ERBB2: variants seen among roughly 807,000 people sequenced by gnomAD.
The protein encoded by ERBB2 is erb-b2 receptor tyrosine kinase 2, also known as receptor tyrosine-protein kinase erbB-2.
A neutral mutation model predicts 149.0 loss-of-function variants in ERBB2; 61 were observed. The ratio of observed to expected loss-of-function variants is 0.41; its 90% CI spans 0.33 to 0.51. The LOEUF (loss-of-function observed/expected upper bound fraction) is 0.51. Among genes scored for constraint, ERBB2 ranks in the 20% least tolerant of loss-of-function variants. The probability of loss-of-function intolerance (pLI) is 0.25; values close to 1 mark genes in which losing one functional copy is unlikely to be tolerated. For synonymous variants in ERBB2, 633 were observed against 678.8 expected (o/e 0.93, Z 1.05); for missense variants, 1,205 against 1,655.1 (o/e 0.73, Z 4.72).
Position 39,726,272 on chromosome 17 carries a change from G to A in ERBB2, c.2873-290G>A. On this transcript the variant is annotated intron_variant, in intron 23 of 26. Coordinates refer to ENST00000269571, the MANE Select transcript of ERBB2 (RefSeq NM_004448.4). This position sits in a 1 kb window ranked among gnomAD's most constrained non-coding sequence, Gnocchi z 5.1. ...GATCACTTGAGCCTAGTTTAAGGTT[G>A]CAGTAAGCTATGATTGCACCACTGA... 4.3e-6 allele frequency: 2 copies of A among 470,100 alleles called. No individual in the cohort carries two copies. The highest frequency in any genetic ancestry group is 2.6e-5 in the South Asian group (1 of 38,492). The allele number at this position is 470,100 out of a possible 1,614,324, so 29.1% of individuals were successfully genotyped here.
upstream of ERBB2, among the ~76,000 whole-genome samples, chr17:39,691,540 C>T (rs1368760051): frequency 1.3e-5 from 1 of 79,110 alleles, no homozygotes; most frequent in Non-Finnish European, 2.5e-5. Flanking sequence ...GAGACTCCAT[C>T]TACATTAAAA....
exon 1 of ERBB2, chr17:39,688,264 A>G (rs1466550517): frequency 1.1e-5 from 4 of 375,668 alleles, no homozygotes; most frequent in African/African-American, 2.1e-5. Flanking sequence ...AGTGTTTTCC[A>G]TGATCTTTTT....
In ERBB2 at chr17:39,711,917, G is replaced by C. The variant is rs2145557714; in HGVS notation, c.902-11G>C. On this transcript the variant is annotated splice_polypyrimidine_tract_variant and intron_variant, in intron 7 of 26. Transcript: ENST00000269571. ...CCAGGGTATGTGGCTACATGTTCCT[G>C]ATCTCCTTAGACAACTACCTTTCTA... 3 of 1,613,988 alleles carry C rather than the reference G, an allele frequency of 1.9e-6. 1 individual carries two copies. The South Asian group carries it at 3.3e-5, about 18-fold the overall frequency.
intron 12 of ERBB2, 44 bp from the exon 13 acceptor site, chr17:39,716,257 G>A: frequency 6.6e-7 from 1 of 1,523,460 alleles, no homozygotes; most frequent in Non-Finnish European, 8.8e-7. Flanking sequence ...TGGACCTGGG[G>A]CCTCCCCTAA....
rs2058585216 is a variant in ERBB2 at position 39,708,326 on chromosome 17, C to T, written c.231C>T (p.Ile77=). Residue 77 remains isoleucine (I), a synonymous_variant, in exon 3 of 27, where the codon ATC becomes ATT. Transcript: ENST00000269571. The part of the protein sequence containing the change: ...TNASLSFLQD[I]QEVQGYVLIA... ...ACTCTGCTTCCCCCTCCCAGGATAT[C>T]CAGGAGGTGCAGGGCTACGTGCTCA... 2.5e-6 allele frequency: 4 copies of T among 1,612,832 alleles called. No individual in the cohort carries two copies. The highest frequency in any genetic ancestry group is 3.4e-6 in the Non-Finnish European group (4 of 1,178,918).
chr17:39,716,193 T>C, intron 12 of ERBB2, 108 bp from the exon 13 acceptor site: 1 of 1,271,592 alleles, frequency 7.9e-7, no homozygotes, highest in East Asian at 2.5e-5. Flanking sequence ...CGGCCCCACC[T>C]GTCCCCACCC....
At chr17:39,712,248 G>A (rs2145570921) in intron 8 of ERBB2, 74 bp from the exon 9 acceptor site, 7 of 1,597,884 alleles carry the variant, frequency 4.4e-6, no homozygotes, top group Non-Finnish European at 6.0e-6. Flanking sequence ...GGACCCTGAT[G>A]CTCATGTGGC....
At chr17:39,701,021 G>T (rs2058076424) in intron 1 of ERBB2, among the ~76,000 whole-genome samples, 1 of 151,512 alleles carries the variant, frequency 6.6e-6, no homozygotes, top group South Asian at 2.1e-4. Context: ...TGGAGGGGTG[G>T]GGGTGGGTTT....
upstream of ERBB2, among the ~76,000 whole-genome samples, chr17:39,696,206 G>A (rs1316800003): frequency 1.3e-5 from 2 of 152,118 alleles, no homozygotes; most frequent in African/African-American, 2.4e-5. Flanking sequence ...GACACCAGAC[G>A]AGGTTTTTTC....
At chr17:39,701,857 C>T (rs1204627257) in intron 1 of ERBB2, among the ~76,000 whole-genome samples, 1 of 152,164 alleles carries the variant, frequency 6.6e-6, no homozygotes, top group Non-Finnish European at 1.5e-5. Context: ...GGAGTACATC[C>T]TTGCCCTCCC....
chr17:39,728,050 A>G lies in ERBB2; in HGVS notation c.*6A>G, dbSNP rs376055107. ...GTCTGGACGTGCCAGTGTGAACCAG[A>G]AGGCCAAGTCCGCAGAAGCCCTGAT... On this transcript the variant is annotated 3_prime_UTR_variant, in exon 27 of 27. Coordinates refer to ENST00000269571, the MANE Select transcript of ERBB2 (RefSeq NM_004448.4). 1.9e-6 allele frequency: 3 copies of G among 1,565,772 alleles called. No individual in the cohort carries two copies. In the East Asian group the frequency reaches 6.8e-5, roughly 35 times the overall value.
At chr17:39,690,402 C>T (rs865818121), upstream of ERBB2, among the ~76,000 whole-genome samples, 1 of 152,142 alleles carries the variant, frequency 6.6e-6, no homozygotes, top group Non-Finnish European at 1.5e-5. Flanking sequence ...TATTAATTTT[C>T]GCAGCTTTCT....
In ERBB2 at chr17:39,723,115, G is replaced by A. The variant is rs2059537138; in HGVS notation, c.1947-204G>A. The stretch of plus-strand genomic sequence containing the variant: ...AATCTGGAGATGCGGAGAGGGTTCT[G>A]ATTGCCTACAAGGAGTTTGGACTTT... On this transcript the variant is annotated intron_variant, in intron 16 of 26. Coordinates refer to ENST00000269571, the MANE Select transcript of ERBB2 (RefSeq NM_004448.4). This position sits in a 1 kb window ranked among gnomAD's most constrained non-coding sequence, Gnocchi z 6.2. 6.6e-6 allele frequency among the ~76,000 whole-genome samples: 1 copy of A among 152,172 alleles called. No individual in the cohort carries two copies. Among genetic ancestry groups the A allele is most frequent in the Non-Finnish European group, 1.5e-5 (1 of 68,030 alleles).
Position 39,709,531 on chromosome 17 carries a change from G to T in ERBB2, c.574+79G>T, listed in dbSNP as rs979744391. ...GCAAACTCCCAACTTACAACCCAGT[G>T]CCTGCCCGCCACTGCCCCAGCCGCC... On this transcript the variant is annotated intron_variant, in intron 4 of 26. Transcript: ENST00000269571. 3.3e-6 allele frequency: 5 copies of T among 1,527,938 alleles called. No homozygotes were observed. In the African/African-American group the frequency reaches 5.5e-5, roughly 17 times the overall value. 94.6% of individuals were successfully genotyped at this position (1,527,938 alleles called of 1,614,324 possible). A position where few individuals can be genotyped will look rare whatever the true frequency, so the allele number is the denominator to read the frequency against.
intron 15 of ERBB2, among the ~76,000 whole-genome samples, chr17:39,718,107 C>G (rs1424613035): frequency 6.6e-6 from 1 of 152,220 alleles, no homozygotes; most frequent in East Asian, 1.9e-4. Context: ...CCACCATGCC[C>G]AGTCATATAT....
rs774416904 is a variant in ERBB2 at position 39,728,645 on chromosome 17, T to C, written c.*601T>C. 7.7e-5 allele frequency: 18 copies of C among 232,802 alleles called. No individual in the cohort carries two copies. The highest frequency in any genetic ancestry group is 1.3e-4 in the Non-Finnish European group (15 of 117,800). The allele number at this position is 232,802 out of a possible 1,614,324, so 14.4% of individuals were successfully genotyped here. A position where few individuals can be genotyped will look rare whatever the true frequency, so the allele number is the denominator to read the frequency against. The stretch of plus-strand genomic sequence containing the variant: ...CACCCACTTTGTCCATTTGCAAATA[T>C]ATTTTGGAAAACAGCTAGGCACCGG... On this transcript the variant is annotated 3_prime_UTR_variant, in exon 27 of 27. Transcript: ENST00000269571.
Position 39,707,068 on chromosome 17 carries a change from A to G in ERBB2, c.152A>G (p.Gln51Arg), listed in dbSNP as rs1390107974. 2.5e-6 allele frequency: 4 copies of G among 1,606,920 alleles called. No homozygotes were observed. Among genetic ancestry groups the G allele is most frequent in the Admixed American group, 3.4e-5 (2 of 59,178 alleles). ...CTGGACATGCTCCGCCACCTCTACC[A>G]GGGCTGCCAGGTGGTGCAGGGAAAC... is the stretch of plus-strand genomic sequence containing the variant. ...THLDMLRHLY[Q>R]GCQVVQGNLE... Residue 51 changes from glutamine to arginine, a missense_variant, in exon 2 of 27, where the codon CAG (glutamine) becomes CGG (arginine). By Grantham distance (43) the Gln-to-Arg change is conservative (BLOSUM62 1). This residue lies in a region of ERBB2 where 101 missense variants were observed against 95.1 expected (regional missense o/e 1.06). Coordinates refer to ENST00000269571, the MANE Select transcript of ERBB2 (RefSeq NM_004448.4).
At chr17:39,716,046 G>A in intron 12 of ERBB2, 107 bp downstream of exon 12, 2 of 1,211,244 alleles carry the variant, frequency 1.7e-6, no homozygotes, top group South Asian at 2.8e-5. Context: ...GCCCGTCTCT[G>A]TGCACCCTTC....
chr17:39,727,731 C>A lies in ERBB2; in HGVS notation c.3455C>A (p.Pro1152His), dbSNP rs2143290777. Reference protein sequence around the residue: ...QPDVRPQPPSPREGPLPAARP... With the variant: ...QPDVRPQPPSHREGPLPAARP... ...GATGTTCGGCCCCAGCCCCCTTCGC[C>A]CCGAGAGGGCCCTCTGCCTGCTGCC... is the stretch of plus-strand genomic sequence containing the variant. The change falls in exon 27 of 27, where the codon CCC becomes CAC. Residue 1152 changes from proline to histidine, a missense_variant. This residue lies in a region of ERBB2 where 312 missense variants were observed against 343.8 expected (regional missense o/e 0.91). Coordinates refer to ENST00000269571, the MANE Select transcript of ERBB2 (RefSeq NM_004448.4). This position sits in a 1 kb window ranked among gnomAD's most constrained non-coding sequence, Gnocchi z 4.3. The A allele has an allele frequency of 6.3e-7, 1 of 1,581,228 alleles. No individual in the cohort carries two copies. Among genetic ancestry groups the A allele is most frequent in the South Asian group, 1.2e-5 (1 of 86,560 alleles).
Sources: allele counts gnomAD v4.1 joint callset (sites outside exome capture counted in the v4.1 genomes callset), GRCh38; gene constraint gnomAD v4.1.1; regional missense constraint gnomAD v4.1.1; non-coding constraint Gnocchi (gnomAD v3.1); transcripts MANE v1.5; gene names NCBI Gene and HGNC (gene_info 2026-07-23, HGNC 2026-07-21).